Variants in FBXO11 observed in about 807,000 individuals in gnomAD.
FBXO11 encodes the protein F-box only protein 11.
FBXO11 carries 13 observed loss-of-function variants against 117.0 expected under a neutral mutation model. The ratio of observed to expected loss-of-function variants is 0.11; its 90% CI spans 0.07 to 0.18. The LOEUF (loss-of-function observed/expected upper bound fraction) is 0.18, where lower values mean the gene tolerates loss of function less well. Among genes scored for constraint, FBXO11 ranks in the 10% least tolerant of loss-of-function variants. The probability of loss-of-function intolerance (pLI) is 1.00; values close to 1 mark genes in which losing one functional copy is unlikely to be tolerated. For missense variants in FBXO11, 767 were observed against 1,164.4 expected (o/e 0.66, Z 4.97); for synonymous variants, 490 against 380.5 (o/e 1.29, Z -3.35).
rs762001271 is a variant in FBXO11, at chr2:47,835,945, G to T, written c.644C>A (p.Pro215His). ...TGGATTAATCTGGTAGAATTTTCCA[G>T]GTTCAGGATGCATCATAGGGCGAGT... ...EYTRPMMHPE[P>H]GKFYQINPEE... The change falls in exon 5 of 23, where the codon CCT (proline) becomes CAT (histidine). Residue 215 changes from proline (P) to histidine (H), a missense_variant. Pro to His is a moderately conservative substitution (Grantham distance 77, BLOSUM62 -2). Around this residue, in one of 10 missense-constraint regions of FBXO11, gnomAD observed 355 missense variants for 299.8 expected, o/e 1.18. Transcript: ENST00000403359. 6.2e-7 allele frequency: 1 copy of T among 1,611,496 alleles called. No individual in the cohort carries two copies. The highest frequency in any genetic ancestry group is 8.5e-7 in the Non-Finnish European group (1 of 1,177,948).
chr2:47,818,625 T>C, intron 16 of FBXO11, 154 bp downstream of exon 16: 1 of 631,578 alleles, frequency 1.6e-6, no homozygotes, highest in Non-Finnish European at 2.8e-6. Flanking sequence ...GAAAGCTACA[T>C]TCTGACAATT....
chr2:47,811,244 G>C (rs1558402605), intron 18 of FBXO11: 1 of 151,970 alleles, frequency 6.6e-6, no homozygotes, highest in Admixed American at 6.6e-5. Context: ...TTTAATTTTT[G>C]AGACAGAGTC....
intron 1 of FBXO11, among the ~76,000 whole-genome samples, chr2:47,904,367 T>G (rs990975426): frequency 6.6e-6 from 1 of 152,224 alleles, no homozygotes; most frequent in African/African-American, 2.4e-5. Flanking sequence ...TGGTTATGTT[T>G]GGAGACCAAG....
intron 1 of FBXO11, among the ~76,000 whole-genome samples, chr2:47,874,837 A>G (rs1675880728): frequency 6.6e-6 from 1 of 150,900 alleles, no homozygotes; most frequent in African/African-American, 2.4e-5. Flanking sequence ...GCCTGGCCAC[A>G]TACAAAATTT....
At chr2:47,893,317 T>C (rs1572917464) in intron 1 of FBXO11, among the ~76,000 whole-genome samples, 1 of 152,194 alleles carries the variant, frequency 6.6e-6, no homozygotes, top group Middle Eastern at 3.4e-3. Context: ...GAAACTTCAG[T>C]GTTTTATAAA....
At chr2:47,878,120 G>C (rs1676146136) in intron 1 of FBXO11, among the ~76,000 whole-genome samples, 2 of 152,152 alleles carry the variant, frequency 1.3e-5, no homozygotes, top group Non-Finnish European at 2.9e-5. Flanking sequence ...ATTTATATAA[G>C]CCATATCCCT....
intron 1 of FBXO11, among the ~76,000 whole-genome samples, chr2:47,891,302 C>A (rs1292859945): frequency 1.3e-5 from 2 of 152,146 alleles, no homozygotes; most frequent in Non-Finnish European, 2.9e-5. Flanking sequence ...CTCCCTTTCA[C>A]CCCTGACAAC....
In FBXO11 at chr2:47,880,000, G is replaced by GT. The variant is rs374178442; in HGVS notation, c.232+25488dup. Among the ~76,000 whole-genome samples, 492 of 143,962 alleles carry GT rather than the reference G, an allele frequency of 3.4e-3. 2 individuals are homozygous for GT. Among genetic ancestry groups the GT allele is most frequent in the East Asian group, 8.6e-3 (43 of 4,976 alleles). 94.4% of individuals were successfully genotyped at this position (143,962 alleles called of 152,430 possible). A position where few individuals can be genotyped will look rare whatever the true frequency, so the allele number is the denominator to read the frequency against. On this transcript the variant is annotated intron_variant, in intron 1 of 22. Transcript: ENST00000403359. Reference sequence around the variant, plus strand: ...CATTTTCTTTATCCATTCAGAGAAGGTTTTTTTTTTTTGGAAACGGGGTCT... The same window carrying GT: ...CATTTTCTTTATCCATTCAGAGAAGGTTTTTTTTTTTTTGGAAACGGGGTCT...
At chr2:47,843,714 T>A (rs189891302) in intron 1 of FBXO11, among the ~76,000 whole-genome samples, 1 of 151,878 alleles carries the variant, frequency 6.6e-6, no homozygotes, top group Admixed American at 6.6e-5. Flanking sequence ...TTTTATGGAT[T>A]ACATTTTAGA....
chr2:47,825,928 T>C (rs1319107906), intron 11 of FBXO11, among the ~76,000 whole-genome samples: 1 of 151,962 alleles, frequency 6.6e-6, no homozygotes, highest in East Asian at 1.9e-4. Flanking sequence ...ATTTGATACC[T>C]CTGAATGCAG....
chr2:47,863,086 C>T (rs142135229), intron 1 of FBXO11, among the ~76,000 whole-genome samples: 10,786 of 142,100 alleles, frequency 0.076, 560 homozygotes, highest in Non-Finnish European at 0.11. Context: ...AAAACAAAAA[C>T]AAAACAAAAA....
intron 1 of FBXO11, among the ~76,000 whole-genome samples, chr2:47,863,645 A>AT (rs1342591719): frequency 6.6e-6 from 1 of 152,194 alleles, no homozygotes; most frequent in Non-Finnish European, 1.5e-5. Flanking sequence ...CTGAAGAAAT[A>AT]TAGCATCCTC....
At chr2:47,817,147 T>A (rs1478005671) in intron 16 of FBXO11, among the ~76,000 whole-genome samples, 2 of 152,266 alleles carry the variant, frequency 1.3e-5, no homozygotes, top group Non-Finnish European at 2.9e-5. Flanking sequence ...CTGTAGCTTC[T>A]ATCTCAGCAT....
chr2:47,846,166 A>G (rs188519877), intron 1 of FBXO11, among the ~76,000 whole-genome samples: 8 of 152,350 alleles, frequency 5.3e-5, no homozygotes, highest in Middle Eastern at 6.8e-3. Flanking sequence ...GTCTAAAAGC[A>G]AGACCTTAAA....
chr2:47,835,886 T>C lies in FBXO11; in HGVS notation c.703A>G (p.Ser235Gly). The change falls in exon 5 of 23, where the codon AGT becomes GGT. Residue 235 changes from serine to glycine, a missense_variant. This residue lies in a region of FBXO11 where 32 missense variants were observed against 48.4 expected (regional missense o/e 0.66). Transcript: ENST00000403359. ...EYEHPNPWKE[S>G]FQQLYKGAHV... Reference sequence around the variant, plus strand: ...ATATTTCATACCAACTGCTGGAAACTCTCTTTCCAGGGATTTGGATGTTCA... The same window carrying C: ...ATATTTCATACCAACTGCTGGAAACCCTCTTTCCAGGGATTTGGATGTTCA... 3 of 1,603,374 alleles carry C rather than the reference T, an allele frequency of 1.9e-6. No homozygotes were observed. The highest frequency in any genetic ancestry group is 2.6e-6 in the Non-Finnish European group (3 of 1,174,250).
At chr2:47,847,911 T>C (rs904600269) in intron 1 of FBXO11, among the ~76,000 whole-genome samples, 2 of 151,620 alleles carry the variant, frequency 1.3e-5, no homozygotes, top group African/African-American at 4.9e-5. Flanking sequence ...GATCATGAGG[T>C]CAGGAGATTG....
At chr2:47,847,425 A>G (rs1187943285) in intron 1 of FBXO11, among the ~76,000 whole-genome samples, 1 of 152,146 alleles carries the variant, frequency 6.6e-6, no homozygotes, top group African/African-American at 2.4e-5. Context: ...ATATAGTATC[A>G]TGGCTGGGTG....
chr2:47,831,038 A>G (rs1175689828), intron 11 of FBXO11, among the ~76,000 whole-genome samples: 1 of 151,756 alleles, frequency 6.6e-6, no homozygotes, highest in African/African-American at 2.4e-5. Flanking sequence ...AGCCCAAGCG[A>G]TCCAACTGCC....
chr2:47,848,963 GT>G (rs1042109345), intron 1 of FBXO11, among the ~76,000 whole-genome samples: 1 of 152,096 alleles, frequency 6.6e-6, no homozygotes, highest in Admixed American at 6.6e-5. Flanking sequence ...ATTGACAGAA[GT>G]TTTTTTCCCC....
Sources: allele counts gnomAD v4.1 joint callset (sites outside exome capture counted in the v4.1 genomes callset), GRCh38; gene constraint gnomAD v4.1.1; regional missense constraint gnomAD v4.1.1; transcripts MANE v1.5; gene names NCBI Gene and HGNC (gene_info 2026-07-23, HGNC 2026-07-21).